Variants in HPSE2 observed in about 807,000 individuals in gnomAD.
HPSE2 encodes heparanase 2 (inactive), also known as inactive heparanase-2.
In HPSE2, 38 loss-of-function variants were observed where a neutral mutation model predicts 60.5. The ratio of observed to expected loss-of-function variants is 0.63; its 90% confidence interval spans 0.48 to 0.82. HPSE2 has a LOEUF of 0.82. Among genes scored for constraint, HPSE2 ranks in the 40% least tolerant of loss-of-function variants. HPSE2 has a pLI of 0.00. For synonymous variants in HPSE2, 295 were observed against 293.2 expected, an observed-to-expected ratio of 1.01 and a Z score of -0.06; for missense variants, 713 against 740.4, an observed-to-expected ratio of 0.96 and a Z score of 0.43.
intron 2 of HPSE2, among the ~76,000 whole-genome samples, chr10:99,152,105 A>G (rs1035651670): frequency 6.6e-6 from 1 of 151,986 alleles, no homozygotes; most frequent in Non-Finnish European, 1.5e-5. Flanking sequence ...AGGTCAGGAG[A>G]TCAAGACCAT....
At chr10:98,991,716 A>G (rs1395795108) in intron 3 of HPSE2, among the ~76,000 whole-genome samples, 1 of 152,192 alleles carries the variant, frequency 6.6e-6, no homozygotes, top group African/African-American at 2.4e-5. Context: ...GTAGGTTTTG[A>G]AGAGAGAAGA....
chr10:98,536,881 CAAG>C (rs1457829399), intron 9 of HPSE2, among the ~76,000 whole-genome samples: 2 of 151,768 alleles, frequency 1.3e-5, no homozygotes, highest in Middle Eastern at 3.4e-3. Flanking sequence ...GAACAGAGCG[CAAG>C]AAGAAGGATG....
chr10:98,944,578 A>G (rs966851295), intron 3 of HPSE2, among the ~76,000 whole-genome samples: 18 of 152,136 alleles, frequency 1.2e-4, no homozygotes, highest in African/African-American at 4.1e-4. Flanking sequence ...ATTATCATTT[A>G]TTCAGTAATT....
chr10:99,142,977 C>T (rs979173127), intron 3 of HPSE2, among the ~76,000 whole-genome samples: 1 of 152,122 alleles, frequency 6.6e-6, no homozygotes. Flanking sequence ...TTTATACACA[C>T]ACACACATGC....
chr10:98,729,549 C>T (rs534367180), intron 4 of HPSE2, among the ~76,000 whole-genome samples: 33 of 152,066 alleles, frequency 2.2e-4, no homozygotes, highest in Admixed American at 6.5e-4. Flanking sequence ...GTGGAGTTTG[C>T]GGTGAGCCGA....
chr10:99,207,628 A>G (rs929150097), intron 2 of HPSE2, among the ~76,000 whole-genome samples: 16 of 152,236 alleles, frequency 1.1e-4, no homozygotes, highest in African/African-American at 3.9e-4. Context: ...AATATGCAAT[A>G]TACAAAGATA....
intron 3 of HPSE2, among the ~76,000 whole-genome samples, chr10:98,797,492 G>A (rs928466856): frequency 3.9e-5 from 6 of 152,076 alleles, no homozygotes; most frequent in African/African-American, 9.7e-5. Context: ...CAGGATCTAC[G>A]AAATAACCTC....
At chr10:99,302,013 A>G in the HPSE2 span, among the ~76,000 whole-genome samples, 3 of 152,118 alleles carry the variant, frequency 2.0e-5, no homozygotes, top group African/African-American at 4.8e-5. Flanking sequence ...CTACTCTAGC[A>G]GGCCTGACCT....
At chr10:98,836,874 A>G (rs1478266844) in intron 3 of HPSE2, among the ~76,000 whole-genome samples, 1 of 152,094 alleles carries the variant, frequency 6.6e-6, no homozygotes, top group Non-Finnish European at 1.5e-5. Flanking sequence ...CCCCGTCTCT[A>G]CTAAAAATAC....
chr10:98,717,274 C>T (rs779801217), intron 5 of HPSE2, among the ~76,000 whole-genome samples: 2 of 152,092 alleles, frequency 1.3e-5, no homozygotes, highest in Non-Finnish European at 2.9e-5. Context: ...TAGATCACTA[C>T]AACCTTCTCC....
intron 2 of HPSE2, among the ~76,000 whole-genome samples, chr10:99,207,637 T>C (rs1386519398): frequency 6.6e-6 from 1 of 152,184 alleles, no homozygotes; most frequent in Non-Finnish European, 1.5e-5. Context: ...TATACAAAGA[T>C]ATAAATTGTG....
chr10:98,707,529 T>C (rs998958347), intron 5 of HPSE2, among the ~76,000 whole-genome samples: 2 of 152,172 alleles, frequency 1.3e-5, no homozygotes, highest in African/African-American at 4.8e-5. Flanking sequence ...AGGAACATTA[T>C]ATAAAAAATG....
intron 3 of HPSE2, among the ~76,000 whole-genome samples, chr10:98,790,004 C>T (rs915995347): frequency 9.9e-5 from 15 of 151,816 alleles, no homozygotes; most frequent in African/African-American, 3.6e-4. Flanking sequence ...AAGGCTGAGT[C>T]AGGATAGAGT....
intron 2 of HPSE2, among the ~76,000 whole-genome samples, chr10:99,194,353 G>A (rs1848322030): frequency 6.6e-6 from 1 of 151,518 alleles, no homozygotes; most frequent in Non-Finnish European, 1.5e-5. Context: ...ATATAATGAT[G>A]CATCTTAATG....
At chr10:98,942,400 C>T (rs1361014263) in intron 3 of HPSE2, among the ~76,000 whole-genome samples, 5 of 148,000 alleles carry the variant, frequency 3.4e-5, no homozygotes, top group Non-Finnish European at 7.4e-5. Flanking sequence ...AACAAACAAC[C>T]CCATCAAAAA....
intron 2 of HPSE2, among the ~76,000 whole-genome samples, chr10:99,189,689 G>T (rs759465182): frequency 4.6e-5 from 7 of 152,144 alleles, no homozygotes; most frequent in Non-Finnish European, 8.8e-5. Context: ...TACCAAGCAA[G>T]GATTTTTCTG....
intron 7 of HPSE2, among the ~76,000 whole-genome samples, chr10:98,630,834 T>C (rs1267050372): frequency 6.6e-6 from 1 of 152,214 alleles, no homozygotes; most frequent in Non-Finnish European, 1.5e-5. Context: ...TAACTAATAA[T>C]CTCAGTATCA....
chr10:98,572,097 C>T (rs533191943), intron 9 of HPSE2, among the ~76,000 whole-genome samples: 6 of 152,080 alleles, frequency 3.9e-5, no homozygotes, highest in South Asian at 4.2e-4. Context: ...CCCACCACCA[C>T]GCCCAGCTAC....
chr10:98,907,686 C>T (rs1233971763), intron 3 of HPSE2, among the ~76,000 whole-genome samples: 1 of 152,150 alleles, frequency 6.6e-6, no homozygotes, highest in Non-Finnish European at 1.5e-5. Context: ...GATCTTGCTA[C>T]TTAACTAGCA....
Sources: gnomAD v4.1 joint callset for allele counts (sites outside exome capture counted in the v4.1 genomes callset) on GRCh38, gnomAD v4.1.1 for gene constraint, MANE v1.5 for transcripts, NCBI Gene and HGNC (gene_info 2026-07-23, HGNC 2026-07-21) for gene names.